The following PTCH1 variants were observed in gnomAD, a reference collection of about 807,000 sequenced individuals.
PTCH1 encodes patched 1.
A neutral mutation model predicts 144.6 loss-of-function variants in PTCH1; 14 were observed. The observed-to-expected ratio is 0.10, with a 90% CI of 0.06 to 0.15. The LOEUF is 0.15. Among genes scored for constraint, PTCH1 ranks in the 10% least tolerant of loss-of-function variants. PTCH1 has a pLI of 1.00. For synonymous variants in PTCH1, 833 were observed against 793.6 expected, an observed-to-expected ratio of 1.05 and a Z score of -0.83; for missense variants, 1,623 against 1,948.3, an observed-to-expected ratio of 0.83 and a Z score of 3.14.
Position 95,480,555 on chromosome 9 carries a change from G to A in PTCH1, c.780C>T (p.Asp260=), listed in dbSNP as rs2118426797. The A allele has an allele frequency of 1.9e-6, 3 of 1,613,522 alleles. No homozygotes were observed. Among genetic ancestry groups the A allele is most frequent in the South Asian group, 1.1e-5 (1 of 90,986 alleles). The change falls in exon 6 of 24, where the codon GAC becomes GAT. Residue 260 remains aspartate, a synonymous_variant. Coordinates refer to ENST00000331920, the MANE Select transcript of PTCH1 (RefSeq NM_000264.5). ...TTAACTCTTCCAGGAATTCCAAAGGGTCGAAGTTTGTCCACCGCAAAGGAG... is the reference window on the plus strand; with the variant it reads ...TTAACTCTTCCAGGAATTCCAAAGGATCGAAGTTTGTCCACCGCAAAGGAG... ...GKPPLRWTNF[D]PLEFLEELKK...
rs544052043 is a variant in PTCH1 at position 95,506,457 on chromosome 9, C to T, written c.344G>A (p.Gly115Glu). 6.2e-7 allele frequency: 1 copy of T among 1,613,202 alleles called. No homozygotes were observed. Among genetic ancestry groups the T allele is most frequent in the Non-Finnish European group, 8.5e-7 (1 of 1,179,646 alleles). ...GLLIFGAFAV[G>E]LKAANLETNV... ...GGTCTCGAGGTTCGCTGCTTTTAATCCCACCGCGAAGGCCCCAAATATGAG... is the reference window on the plus strand; with the variant it reads ...GGTCTCGAGGTTCGCTGCTTTTAATTCCACCGCGAAGGCCCCAAATATGAG... The change falls in exon 2 of 24, where the codon GGA becomes GAA. Residue 115 changes from glycine (G) to glutamate (E), a missense_variant. Gly to Glu is a moderately conservative substitution (Grantham distance 98, BLOSUM62 -2). This residue lies in a region of PTCH1 where 245 missense variants were observed against 240.6 expected (regional missense o/e 1.02). Coordinates refer to ENST00000331920, the MANE Select transcript of PTCH1 (RefSeq NM_000264.5).
intron 1 of PTCH1, chr9:95,506,940 A>T: frequency 9.6e-7 from 1 of 1,036,406 alleles, no homozygotes; most frequent in Non-Finnish European, 1.2e-6. Context: ...TATTCACCCC[A>T]GAGCTGAGAA....
intron 2 of PTCH1, among the ~76,000 whole-genome samples, chr9:95,496,124 C>T (rs548918946): frequency 6.6e-6 from 1 of 152,274 alleles, no homozygotes; most frequent in East Asian, 1.9e-4. Flanking sequence ...ACAGCCCTGC[C>T]GACCCCTGAC....
Position 95,506,480 on chromosome 9 carries a change from G to T in PTCH1, c.321C>A (p.Leu107=). 6.2e-7 allele frequency: 1 copy of T among 1,613,682 alleles called. No homozygotes were observed. The highest frequency in any genetic ancestry group is 1.1e-5 in the South Asian group (1 of 91,014). ...ATCCCACCGCGAAGGCCCCAAATAT[G>T]AGGAGGCCCACAACCAAGAACTTGC... ...NCGKFLVVGL[L]IFGAFAVGLK... The change falls in exon 2 of 24, where the codon CTC becomes CTA. Residue 107 remains leucine (L), a synonymous_variant. Transcript: ENST00000331920.
chr9:95,453,140 T>TA (rs1838616608), intron 20 of PTCH1: 2 of 234,646 alleles, frequency 8.5e-6, no homozygotes, highest in South Asian at 4.7e-5. Context: ...AATAACAATA[T>TA]TTTTTTTTTT....
In PTCH1 at chr9:95,471,646, C is replaced by A. The variant is rs1024735002; in HGVS notation, c.1729-1715G>T. ...AATGACAATCTCGAATGATGGATGG[C>A]GTCATGAAGGCAGGTGTCAGGCTGC... On this transcript the variant is annotated intron_variant, in intron 12 of 23. Transcript: ENST00000331920. 2.6e-5 allele frequency among the ~76,000 whole-genome samples: 4 copies of A among 152,256 alleles called. No individual in the cohort carries two copies. The East Asian group carries it at 5.8e-4, about 22-fold the overall frequency.
intron 8 of PTCH1, 139 bp from the exon 9 acceptor site, chr9:95,478,325 G>T: frequency 7.6e-7 from 1 of 1,320,862 alleles, no homozygotes; most frequent in Non-Finnish European, 1.1e-6. Flanking sequence ...GTGATTCCAG[G>T]GCAGGGAGAG....
chr9:95,449,931 A>AAAG lies in PTCH1; in HGVS notation c.3456_3458dup (p.Phe1153dup). 6.2e-7 allele frequency: 1 copy of AAAG among 1,614,120 alleles called. No individual in the cohort carries two copies. Among genetic ancestry groups the AAAG allele is most frequent in the Non-Finnish European group, 8.5e-7 (1 of 1,179,974 alleles). ...GGATGGTGAGGATCGCCAGCACAGC[A>AAAG]AAGAAATACCTGGGAGATCAAGAGG... is the stretch of plus-strand genomic sequence containing the variant. On this transcript the variant is annotated inframe_insertion, in exon 21 of 24. Coordinates refer to ENST00000331920, the MANE Select transcript of PTCH1 (RefSeq NM_000264.5). This position sits in a 1 kb window ranked among gnomAD's most constrained non-coding sequence, Gnocchi z 5.3.
At position 95,508,325 on chromosome 9, in the gene PTCH1, G is replaced by A. The variant is rs779791579; in HGVS notation, c.37C>T (p.Arg13Cys). 3.0e-6 allele frequency: 4 copies of A among 1,329,998 alleles called. No individual in the cohort carries two copies. The highest frequency in any genetic ancestry group is 4.1e-5 in the Admixed American group (1 of 24,302). The allele number at this position is 1,329,998 out of a possible 1,614,324, so 82.4% of individuals were successfully genotyped here. The change falls in exon 1 of 24, where the codon CGC (arginine) becomes TGC (cysteine). Residue 13 changes from arginine to cysteine, a missense_variant. Around this residue, in one of 7 missense-constraint regions of PTCH1, gnomAD observed 245 missense variants for 240.6 expected, o/e 1.02. Coordinates refer to ENST00000331920, the MANE Select transcript of PTCH1 (RefSeq NM_000264.5). ...SAGNAAEPQD[R>C]GGGGSGCIGA... Reference sequence around the variant, plus strand: ...ATACAGCCGCTGCCGCCGCCGCCGCGGTCCTGGGGCTCGGCGGCGTTACCA... The same window carrying A: ...ATACAGCCGCTGCCGCCGCCGCCGCAGTCCTGGGGCTCGGCGGCGTTACCA...
upstream of PTCH1, among the ~76,000 whole-genome samples, chr9:95,513,132 T>TA: frequency 6.6e-6 from 1 of 152,332 alleles, no homozygotes; most frequent in Admixed American, 6.5e-5. Context: ...GACAATGAAA[T>TA]AAAACATCTG....
chr9:95,511,964 C>T (rs1844179259), upstream of PTCH1, among the ~76,000 whole-genome samples: 1 of 152,194 alleles, frequency 6.6e-6, no homozygotes, highest in Non-Finnish European at 1.5e-5. Flanking sequence ...TTCTCCACCA[C>T]GTTTTGGCCC....
intron 13 of PTCH1, 115 bp downstream of exon 13, chr9:95,469,698 C>T: frequency 1.9e-6 from 2 of 1,068,258 alleles, no homozygotes; most frequent in Non-Finnish European, 2.9e-6. Context: ...CTACGTTCTC[C>T]ACACCAGCAC....
At chr9:95,446,848 G>T (rs1002389184) in intron 23 of PTCH1, 63 bp downstream of exon 23, 1 of 1,607,072 alleles carries the variant, frequency 6.2e-7, no homozygotes, top group Middle Eastern at 2.2e-4. Context: ...AACCCCAGGA[G>T]AACCTTGTCC....
chr9:95,449,579 T>A lies in PTCH1; in HGVS notation c.3550-256A>T. ...TACTCTTGTGAAGTCCAATTATGCA[T>A]CTCAAGGGGAAAGTCTTCATTTACT... is the stretch of plus-strand genomic sequence containing the variant. On this transcript the variant is annotated intron_variant, in intron 21 of 23. Transcript: ENST00000331920. The surrounding 1 kb of genome is among the most constrained non-coding windows in gnomAD (Gnocchi z 5.3). 1 of 632,726 alleles carries A rather than the reference T, an allele frequency of 1.6e-6. No individual in the cohort carries two copies. Among genetic ancestry groups the A allele is most frequent in the Non-Finnish European group, 2.7e-6 (1 of 363,916 alleles). The allele number at this position is 632,726 out of a possible 1,614,324, so 39.2% of individuals were successfully genotyped here.
intron 22 of PTCH1, 109 bp from the exon 23 acceptor site, chr9:95,447,560 G>C (rs1192171559): frequency 1.5e-5 from 18 of 1,171,564 alleles, no homozygotes; most frequent in African/African-American, 3.1e-5. Flanking sequence ...GTCAACCCTG[G>C]GGAGCCAATG....
At chr9:95,508,042 A>AGTGTGT (rs962367211) in intron 1 of PTCH1, 119 bp downstream of exon 1, 11 of 858,580 alleles carry the variant, frequency 1.3e-5, no homozygotes, top group Non-Finnish European at 1.6e-5. Flanking sequence ...GGTGTGAGTG[A>AGTGTGT]GTGTGTGTGT....
intron 19 of PTCH1, among the ~76,000 whole-genome samples, chr9:95,454,731 A>C (rs1051390741): frequency 6.6e-6 from 1 of 152,242 alleles, no homozygotes; most frequent in African/African-American, 2.4e-5. Context: ...TTTCCTAAAG[A>C]CATTCATGAA....
At chr9:95,483,574 T>G (rs1439368554) in intron 3 of PTCH1, 3 of 152,394 alleles carry the variant, frequency 2.0e-5, no homozygotes, top group Non-Finnish European at 4.4e-5. Context: ...ACCCCCATGT[T>G]AAGCTTGTTG....
chr9:95,470,158 A>C (rs1023303457), intron 12 of PTCH1, among the ~76,000 whole-genome samples: 2 of 152,178 alleles, frequency 1.3e-5, no homozygotes, highest in Non-Finnish European at 2.9e-5. Flanking sequence ...TAATTCCATA[A>C]ACCGATAAGG....
Sources: gnomAD v4.1 joint callset for allele counts (sites outside exome capture counted in the v4.1 genomes callset) on GRCh38, gnomAD v4.1.1 for gene constraint, gnomAD v4.1.1 regional missense constraint, Gnocchi (gnomAD v3.1) non-coding constraint, MANE v1.5 for transcripts, NCBI Gene and HGNC (gene_info 2026-07-23, HGNC 2026-07-21) for gene names.